The following CACNA1D variants were observed in gnomAD, a reference collection of about 807,000 sequenced individuals.
The protein encoded by CACNA1D is calcium voltage-gated channel subunit alpha1 D.
In CACNA1D, 55 loss-of-function variants were observed where a neutral mutation model predicts 257.1. The observed-to-expected ratio is 0.21, with a 90% CI of 0.17 to 0.27. CACNA1D has a LOEUF of 0.27. Ranked by LOEUF, CACNA1D falls within the 10% of genes least tolerant of loss-of-function variation. The pLI is 1.00. For synonymous variants in CACNA1D, 980 were observed against 1,014.9 expected, an observed-to-expected ratio of 0.97 and a Z score of 0.65; for missense variants, 1,876 against 2,784.0, an observed-to-expected ratio of 0.67 and a Z score of 7.34.
intron 3 of CACNA1D, among the ~76,000 whole-genome samples, chr3:53,626,156 G>T (rs183668856): frequency 6.6e-6 from 1 of 152,290 alleles, no homozygotes; most frequent in African/African-American, 2.4e-5. Flanking sequence ...AGGTGATTCC[G>T]ATTCTGGACT....
At chr3:53,796,402 T>C (rs1456042374) in intron 40 of CACNA1D, 2 of 456,072 alleles carry the variant, frequency 4.4e-6, no homozygotes, top group Non-Finnish European at 8.8e-6. Flanking sequence ...TGCTACAGCG[T>C]AGGTCCAGGG....
chr3:53,743,051 G>A lies in CACNA1D; in HGVS notation c.2852G>A (p.Cys951Tyr). Reference sequence around the variant, plus strand: ...GCTTTCCTCCACAAAGGGGCCTTCTGCAGGAACTACTTCAATTTGCTGGAT... The same window carrying A: ...GCTTTCCTCCACAAAGGGGCCTTCTACAGGAACTACTTCAATTTGCTGGAT... ...FGAFLHKGAF[C>Y]RNYFNLLDML... Residue 951 changes from cysteine to tyrosine, a missense_variant, in exon 22 of 48, where the codon TGC (cysteine) becomes TAC (tyrosine). Physicochemically the swap from Cys to Tyr is radical, Grantham distance 194. Coordinates refer to ENST00000350061, the MANE Select transcript of CACNA1D (RefSeq NM_001128840.3). 1 of 1,613,912 alleles carries A rather than the reference G, an allele frequency of 6.2e-7. No individual in the cohort carries two copies. The highest frequency in any genetic ancestry group is 1.3e-5 in the African/African-American group (1 of 75,036).
intron 3 of CACNA1D, among the ~76,000 whole-genome samples, chr3:53,544,255 TA>T (rs772388829): frequency 6.6e-6 from 1 of 152,132 alleles, no homozygotes; most frequent in Non-Finnish European, 1.5e-5. Flanking sequence ...TCTTGTGAAA[TA>T]ATTAAAAATA....
At chr3:53,544,793 A>G (rs2092376380) in intron 3 of CACNA1D, among the ~76,000 whole-genome samples, 1 of 152,238 alleles carries the variant, frequency 6.6e-6, no homozygotes, top group East Asian at 1.9e-4. Flanking sequence ...CTGATGTTCT[A>G]CAGACTTGGG....
chr3:53,541,527 C>T (rs1184798512), intron 3 of CACNA1D, among the ~76,000 whole-genome samples: 2 of 152,142 alleles, frequency 1.3e-5, no homozygotes, highest in South Asian at 2.1e-4. Flanking sequence ...TAGTGACTGT[C>T]GATGCTCTTT....
intron 14 of CACNA1D, among the ~76,000 whole-genome samples, chr3:53,725,572 T>C (rs2094927805): frequency 6.6e-6 from 1 of 152,344 alleles, no homozygotes; most frequent in South Asian, 2.1e-4. Context: ...GTCTTCACAC[T>C]GCCCATTGCC....
At chr3:53,658,835 C>T (rs761959663) in intron 4 of CACNA1D, among the ~76,000 whole-genome samples, 24 of 152,146 alleles carry the variant, frequency 1.6e-4, no homozygotes, top group African/African-American at 4.1e-4. Flanking sequence ...AGGTAGAGAC[C>T]GGGCTTGTTT....
At chr3:53,759,678 A>G (rs2095289216) in intron 29 of CACNA1D, among the ~76,000 whole-genome samples, 1 of 152,248 alleles carries the variant, frequency 6.6e-6, no homozygotes, top group Non-Finnish European at 1.5e-5. Flanking sequence ...TGCCCCTCCA[A>G]GTGTGGTCTG....
intron 3 of CACNA1D, among the ~76,000 whole-genome samples, chr3:53,559,148 C>T (rs567472831): frequency 7.9e-4 from 121 of 152,264 alleles, no homozygotes; most frequent in African/African-American, 2.8e-3. Context: ...TACCTCCAGT[C>T]TGCAATTGAA....
intron 30 of CACNA1D, chr3:53,762,450 G>A (rs2108952169): frequency 2.3e-6 from 1 of 431,364 alleles, no homozygotes; most frequent in Admixed American, 2.8e-5. Context: ...TCGCCGTGTG[G>A]CGCGATGCTA....
chr3:53,509,218 T>C (rs886146446), intron 3 of CACNA1D, among the ~76,000 whole-genome samples: 9 of 151,964 alleles, frequency 5.9e-5, no homozygotes, highest in African/African-American at 1.9e-4. Flanking sequence ...AGAAACAGAA[T>C]AGCTGAAGAT....
At chr3:53,801,001 C>A (rs2095533700) in intron 41 of CACNA1D, 57 bp from the exon 42 acceptor site, 2 of 1,575,708 alleles carry the variant, frequency 1.3e-6, no homozygotes, top group Admixed American at 3.3e-5. Context: ...CCTAACATAG[C>A]TAGTCTGCAT....
intron 3 of CACNA1D, among the ~76,000 whole-genome samples, chr3:53,606,558 G>A (rs2093513421): frequency 6.6e-6 from 1 of 152,236 alleles, no homozygotes. Flanking sequence ...TGAGTCAAGG[G>A]TACAGTGGCA....
intron 3 of CACNA1D, among the ~76,000 whole-genome samples, chr3:53,632,233 C>T (rs946299779): frequency 6.6e-6 from 1 of 152,256 alleles, no homozygotes; most frequent in Admixed American, 6.5e-5. Flanking sequence ...TCCTCATCAG[C>T]ACTTACTGCT....
intron 3 of CACNA1D, among the ~76,000 whole-genome samples, chr3:53,597,836 T>C (rs2093390127): frequency 6.6e-6 from 1 of 152,192 alleles, no homozygotes; most frequent in Admixed American, 6.5e-5. Flanking sequence ...TGAATGTGCA[T>C]TTGTAACTCT....
At chr3:53,753,528 C>A in intron 28 of CACNA1D, 44 bp from the exon 29 acceptor site, 2 of 1,269,652 alleles carry the variant, frequency 1.6e-6, no homozygotes, top group South Asian at 1.2e-5. Context: ...CATGTGAGAT[C>A]GTGGCTGAGG....
At chr3:53,573,360 C>T (rs1384600034) in intron 3 of CACNA1D, among the ~76,000 whole-genome samples, 1 of 152,202 alleles carries the variant, frequency 6.6e-6, no homozygotes, top group Non-Finnish European at 1.5e-5. Context: ...CTTGCTGTTC[C>T]TCAGCCGTGC....
intron 3 of CACNA1D, among the ~76,000 whole-genome samples, chr3:53,512,072 C>G (rs970713418): frequency 1.3e-5 from 2 of 152,164 alleles, no homozygotes; most frequent in African/African-American, 4.8e-5. Flanking sequence ...GGGTAAAATG[C>G]TGCCCTTTTA....
In CACNA1D at chr3:53,706,828, A is replaced by G. The variant is rs142883904; in HGVS notation, c.1390+4018A>G. Among the ~76,000 whole-genome samples, 292 of 152,032 alleles carry G rather than the reference A, an allele frequency of 1.9e-3. 1 individual carries two copies. Among genetic ancestry groups the G allele is most frequent in the African/African-American group, 6.5e-3 (269 of 41,472 alleles). On this transcript the variant is annotated intron_variant, in intron 9 of 47. Transcript: ENST00000350061. Reference sequence around the variant, plus strand: ...ATTATTCCATCCACACCCTATGTCCATGTGTACACATTATTTAGCTTCTGC... The same window carrying G: ...ATTATTCCATCCACACCCTATGTCCGTGTGTACACATTATTTAGCTTCTGC...
Sources: allele counts gnomAD v4.1 joint callset (sites outside exome capture counted in the v4.1 genomes callset), GRCh38; gene constraint gnomAD v4.1.1; transcripts MANE v1.5; gene names NCBI Gene and HGNC (gene_info 2026-07-23, HGNC 2026-07-21).